Variants in NRG3 observed in about 807,000 individuals in gnomAD.
The protein encoded by NRG3 is pro-neuregulin-3, membrane-bound isoform.
Under a neutral mutation model 66.9 loss-of-function variants are expected in NRG3, and 31 were observed. That is an observed-to-expected ratio of 0.46 (90% CI 0.35 to 0.63). NRG3 has a LOEUF of 0.63. Among genes scored for constraint, NRG3 ranks in the 20% least tolerant of loss-of-function variants. The pLI is 0.00. For synonymous variants in NRG3, 393 were observed against 359.4 expected (o/e 1.09, Z -1.06); for missense variants, 910 against 878.9 (o/e 1.04, Z -0.45).
At chr10:82,800,507 C>T (rs2060992106) in intron 3 of NRG3, among the ~76,000 whole-genome samples, 1 of 152,162 alleles carries the variant, frequency 6.6e-6, no homozygotes, top group Admixed American at 6.5e-5. Flanking sequence ...CAGTAATTTA[C>T]TGTGCTGAAT....
rs200312991 is a variant in NRG3 at position 82,867,544 on chromosome 10, GTACGT to G, written c.1054+2110_1054+2114del. Among the ~76,000 whole-genome samples the G allele has an allele frequency of 5.0e-3, 757 of 152,258 alleles. 4 individuals are homozygous for G. Among genetic ancestry groups the G allele is most frequent in the African/African-American group, 0.018 (734 of 41,526 alleles). On this transcript the variant is annotated intron_variant, in intron 4 of 8. Coordinates refer to ENST00000372141, the MANE Select transcript of NRG3 (RefSeq NM_001010848.4). ...TTTTTCATAAGAGACAAGAGAAACT[GTACGT>G]TAGAAGCCAGGAGGACAGATCTCCA...
chr10:82,738,497 T>C (rs1373408026), intron 2 of NRG3, 80 bp from the exon 3 acceptor site: 5 of 1,091,984 alleles, frequency 4.6e-6, no homozygotes, highest in Middle Eastern at 2.0e-4. Flanking sequence ...ATTTATGTAA[T>C]TGATGGCTAT....
chr10:82,130,855 A>G (rs1193611330), intron 1 of NRG3, among the ~76,000 whole-genome samples: 4 of 152,000 alleles, frequency 2.6e-5, no homozygotes, highest in Non-Finnish European at 5.9e-5. Context: ...AGAAATTTCT[A>G]TTCAGATTTT....
chr10:81,891,011 G>A (rs1488173929), intron 1 of NRG3, among the ~76,000 whole-genome samples: 1 of 152,082 alleles, frequency 6.6e-6, no homozygotes, highest in African/African-American at 2.4e-5. Flanking sequence ...GAAATGAATT[G>A]CATAAAAATA....
At chr10:82,851,938 CA>C (rs1289627490) in intron 3 of NRG3, among the ~76,000 whole-genome samples, 4 of 152,068 alleles carry the variant, frequency 2.6e-5, no homozygotes, top group African/African-American at 9.7e-5. Flanking sequence ...AAACATTCCA[CA>C]AAAGACCATT....
chr10:82,475,516 A>G (rs1841689768), intron 2 of NRG3, among the ~76,000 whole-genome samples: 1 of 152,136 alleles, frequency 6.6e-6, no homozygotes, highest in Non-Finnish European at 1.5e-5. Context: ...GGTGAATAGA[A>G]TAGAAAGCCA....
intron 1 of NRG3, among the ~76,000 whole-genome samples, chr10:82,168,287 G>A (rs1054294905): frequency 5.3e-5 from 8 of 152,128 alleles, no homozygotes; most frequent in East Asian, 1.9e-4. Context: ...AAGGCTCTCC[G>A]TGGGTAGGTG....
chr10:82,041,534 T>C (rs1489082211), intron 1 of NRG3, among the ~76,000 whole-genome samples: 1 of 152,012 alleles, frequency 6.6e-6, no homozygotes, highest in Non-Finnish European at 1.5e-5. Context: ...TGGGAGCTAT[T>C]TGTGAAGACT....
chr10:82,945,281 T>C (rs1011404223), intron 4 of NRG3, among the ~76,000 whole-genome samples: 8 of 152,162 alleles, frequency 5.3e-5, no homozygotes, highest in Admixed American at 2.0e-4. Flanking sequence ...TACATATCAG[T>C]TGATCATGCT....
chr10:81,921,790 T>C (rs577035356), intron 1 of NRG3, among the ~76,000 whole-genome samples: 2 of 152,234 alleles, frequency 1.3e-5, no homozygotes, highest in East Asian at 3.9e-4. Flanking sequence ...TCACTTCTTA[T>C]GAAATTTAGA....
intron 1 of NRG3, among the ~76,000 whole-genome samples, chr10:82,047,602 A>G (rs7904850): frequency 0.88 from 132,060 of 149,788 alleles, 59,307 homozygotes; most frequent in South Asian, 0.99. Context: ...TGAAGGAAGC[A>G]CTAATCATGG....
chr10:82,298,093 A>G (rs761045934), intron 1 of NRG3, among the ~76,000 whole-genome samples: 4 of 152,046 alleles, frequency 2.6e-5, no homozygotes, highest in Non-Finnish European at 4.4e-5. Context: ...GCAATGAGCT[A>G]TGGTCTTGCT....
intron 3 of NRG3, among the ~76,000 whole-genome samples, chr10:82,778,602 T>TTTGTGTC (rs1387878744): frequency 1.3e-5 from 2 of 152,294 alleles, no homozygotes; most frequent in East Asian, 3.9e-4. Flanking sequence ...ACATGAGGAT[T>TTTGTGTC]ACAATTCAAG....
At chr10:82,913,104 A>C (rs1845488701) in intron 4 of NRG3, among the ~76,000 whole-genome samples, 1 of 152,186 alleles carries the variant, frequency 6.6e-6, no homozygotes, top group African/African-American at 2.4e-5. Context: ...AGGCACCTGT[A>C]GTCCCAGCTA....
At chr10:81,927,876 G>A (rs573229415) in intron 1 of NRG3, among the ~76,000 whole-genome samples, 16 of 152,146 alleles carry the variant, frequency 1.1e-4, no homozygotes, top group African/African-American at 3.9e-4. Flanking sequence ...CAACTGATCA[G>A]CATTAAAGTT....
At chr10:82,879,988 G>T in intron 4 of NRG3, among the ~76,000 whole-genome samples, 2 of 119,900 alleles carry the variant, frequency 1.7e-5, no homozygotes, top group South Asian at 2.8e-4. Context: ...TTTTGCATGA[G>T]AATTGAAGCA....
chr10:82,168,025 A>G lies in NRG3; in HGVS notation c.824-190714A>G, dbSNP rs552942412. ...AAAAACCCTTGGAAAACTAAGAATTATGTTTTGGAAATTGAATATTTGTCA... is the reference window on the plus strand; with the variant it reads ...AAAAACCCTTGGAAAACTAAGAATTGTGTTTTGGAAATTGAATATTTGTCA... On this transcript the variant is annotated intron_variant, in intron 1 of 8. Coordinates refer to ENST00000372141, the MANE Select transcript of NRG3 (RefSeq NM_001010848.4). Among the ~76,000 whole-genome samples, 3 of 152,220 alleles carry G rather than the reference A, an allele frequency of 2.0e-5. No individual in the cohort carries two copies. In the East Asian group the frequency reaches 5.8e-4, roughly 29 times the overall value.
chr10:82,120,491 G>T (rs1353653229), intron 1 of NRG3, among the ~76,000 whole-genome samples: 1 of 152,138 alleles, frequency 6.6e-6, no homozygotes, highest in East Asian at 1.9e-4. Flanking sequence ...ATAGAATGCT[G>T]AAATTATACA....
chr10:82,613,289 A>C (rs1303326454), intron 2 of NRG3, among the ~76,000 whole-genome samples: 1 of 152,074 alleles, frequency 6.6e-6, no homozygotes, highest in Non-Finnish European at 1.5e-5. Flanking sequence ...GTAGTTCTTC[A>C]TATAATGCAT....
Sources: allele counts gnomAD v4.1 joint callset (sites outside exome capture counted in the v4.1 genomes callset), GRCh38; gene constraint gnomAD v4.1.1; transcripts MANE v1.5; gene names NCBI Gene and HGNC (gene_info 2026-07-23, HGNC 2026-07-21).